OSBPL10: variants seen among roughly 807,000 people sequenced by gnomAD.
OSBPL10 encodes oxysterol binding protein like 10.
In OSBPL10, 49 loss-of-function variants were observed where a neutral mutation model predicts 81.7. The ratio of observed to expected loss-of-function variants is 0.60; its 90% CI spans 0.48 to 0.76. OSBPL10 has a LOEUF of 0.76. OSBPL10 is among the 30% of genes least tolerant of loss of function. OSBPL10 has a pLI of 0.00. For missense variants in OSBPL10, 923 were observed against 987.8 expected, an observed-to-expected ratio of 0.93 and a Z score of 0.88; for synonymous variants, 419 against 383.6, an observed-to-expected ratio of 1.09 and a Z score of -1.08.
rs538277455 is a variant in OSBPL10 at position 31,860,062 on chromosome 3, T to C, written c.537+16371A>G. On this transcript the variant is annotated intron_variant, in intron 3 of 11. Coordinates refer to ENST00000396556, the MANE Select transcript of OSBPL10 (RefSeq NM_017784.5). Reference sequence around the variant, plus strand: ...TGCTCACATATACCTGGTAATCCTCTCCCTCCTGCGCACATTGGAACCAGC... The same window carrying C: ...TGCTCACATATACCTGGTAATCCTCCCCCTCCTGCGCACATTGGAACCAGC... Among the ~76,000 whole-genome samples, 18 of 152,234 alleles carry C rather than the reference T, an allele frequency of 1.2e-4. No homozygotes were observed. The South Asian group carries it at 3.1e-3, about 26-fold the overall frequency.
chr3:31,733,485 C>T, intron 5 of OSBPL10, 74 bp from the exon 6 acceptor site: 1 of 1,584,618 alleles, frequency 6.3e-7, no homozygotes, highest in Non-Finnish European at 8.7e-7. Flanking sequence ...TATTTGTACT[C>T]ACTGTATGAA....
intron 1 of OSBPL10, among the ~76,000 whole-genome samples, chr3:32,074,941 TCCTTAC>T (rs1204676950): frequency 6.6e-6 from 1 of 152,184 alleles, no homozygotes; most frequent in Non-Finnish European, 1.5e-5. Flanking sequence ...ACTCTAGTCT[TCCTTAC>T]CCCCAAAATC....
At position 32,065,920 on chromosome 3, in the gene OSBPL10, A is replaced by G. The variant is rs190809591; in HGVS notation, n.185+11476T>C. Among the ~76,000 whole-genome samples the G allele has an allele frequency of 5.0e-5, 4 of 79,646 alleles. 1 individual carries two copies. The East Asian group carries it at 1.1e-3, about 22-fold the overall frequency. The allele number at this position is 79,646 out of a possible 152,430, so 52.3% of individuals were successfully genotyped here. ...AGACAGAAAGAGAGAGAAAGAAGGAAGAAAGAAAGAAGGAAAGAAGAAAGA... is the reference window on the plus strand; with the variant it reads ...AGACAGAAAGAGAGAGAAAGAAGGAGGAAAGAAAGAAGGAAAGAAGAAAGA... On this transcript the variant is annotated intron_variant and non_coding_transcript_variant, in intron 1 of 3. Coordinates refer to the OSBPL10 transcript ENST00000479173.
intron 2 of OSBPL10, among the ~76,000 whole-genome samples, chr3:32,004,737 A>C (rs573839964): frequency 6.6e-6 from 1 of 152,352 alleles, no homozygotes; most frequent in South Asian, 2.1e-4. Flanking sequence ...ACAGCCTTGC[A>C]GAGCGACAGA....
At chr3:31,959,682 AACTG>A (rs1228321999) in intron 1 of OSBPL10, among the ~76,000 whole-genome samples, 2 of 152,194 alleles carry the variant, frequency 1.3e-5, no homozygotes, top group Non-Finnish European at 2.9e-5. Context: ...GTTTTTCCAA[AACTG>A]ACTGAGAAGC....
intron 1 of OSBPL10, among the ~76,000 whole-genome samples, chr3:31,897,889 TC>T (rs1478110229): frequency 6.6e-6 from 1 of 151,542 alleles, no homozygotes; most frequent in African/African-American, 2.4e-5. Flanking sequence ...GCGCCTGTAG[TC>T]CCAGCTACTA....
intron 4 of OSBPL10, among the ~76,000 whole-genome samples, chr3:31,754,630 G>A (rs745330852): frequency 1.3e-5 from 2 of 152,110 alleles, no homozygotes; most frequent in East Asian, 3.9e-4. Flanking sequence ...CTTACTGCAG[G>A]AGTCTGCAGA....
intron 1 of OSBPL10, among the ~76,000 whole-genome samples, chr3:31,965,812 AAT>A (rs1274683667): frequency 1.6e-5 from 1 of 63,822 alleles, no homozygotes; most frequent in African/African-American, 1.4e-4. Context: ...CTATTTATAT[AAT>A]ATATATTATA....
At chr3:31,913,230 T>G (rs1333549255) in intron 1 of OSBPL10, among the ~76,000 whole-genome samples, 2 of 142,150 alleles carry the variant, frequency 1.4e-5, no homozygotes, top group African/African-American at 2.6e-5. Context: ...AGTACTAGGT[T>G]TTTTTTTTTA....
intron 1 of OSBPL10, among the ~76,000 whole-genome samples, chr3:31,971,121 T>G (rs36156085): frequency 0.082 from 11,827 of 145,028 alleles, 677 homozygotes; most frequent in East Asian, 0.32. Context: ...TTTTTTTTTC[T>G]GTTTTTTTTT....
At chr3:31,773,297 T>C (rs1265303351) in intron 4 of OSBPL10, among the ~76,000 whole-genome samples, 1 of 152,120 alleles carries the variant, frequency 6.6e-6, no homozygotes, top group East Asian at 1.9e-4. Context: ...GACATAAATA[T>C]TTTCTCTGTA....
chr3:31,812,022 A>T (rs1005376305), intron 4 of OSBPL10, among the ~76,000 whole-genome samples: 7 of 152,110 alleles, frequency 4.6e-5, no homozygotes, highest in Non-Finnish European at 1.0e-4. Flanking sequence ...TTTATTTTTT[A>T]AATTTATTTA....
intron 4 of OSBPL10, among the ~76,000 whole-genome samples, chr3:31,792,898 G>A (rs960420128): frequency 8.0e-6 from 1 of 124,936 alleles, no homozygotes; most frequent in Non-Finnish European, 1.9e-5. Flanking sequence ...GTGTGTGTGT[G>A]TGTGTGTGTG....
At chr3:31,710,204 C>T (rs1218017947) in intron 6 of OSBPL10, among the ~76,000 whole-genome samples, 1 of 152,148 alleles carries the variant, frequency 6.6e-6, no homozygotes, top group Non-Finnish European at 1.5e-5. Context: ...GGAGATGGTA[C>T]CACCTCTCAT....
At chr3:31,680,357 C>A (rs1000530082) in intron 8 of OSBPL10, among the ~76,000 whole-genome samples, 2 of 152,176 alleles carry the variant, frequency 1.3e-5, no homozygotes, top group African/African-American at 4.8e-5. Flanking sequence ...ACTCAGGGGG[C>A]TGCCTGAACC....
At chr3:31,753,351 A>G (rs1269400683) in intron 4 of OSBPL10, among the ~76,000 whole-genome samples, 1 of 152,006 alleles carries the variant, frequency 6.6e-6, no homozygotes, top group Admixed American at 6.6e-5. Context: ...ACGCCCGGCT[A>G]ATTTTGTATG....
At chr3:31,889,813 CA>C (rs2125656046) in intron 1 of OSBPL10, among the ~76,000 whole-genome samples, 1 of 152,102 alleles carries the variant, frequency 6.6e-6, no homozygotes, top group South Asian at 2.1e-4. Flanking sequence ...ATGTTCCCAG[CA>C]CAAAGAAATG....
intron 4 of OSBPL10, among the ~76,000 whole-genome samples, chr3:31,788,542 T>C (rs540874997): frequency 6.6e-6 from 1 of 152,270 alleles, no homozygotes; most frequent in East Asian, 1.9e-4. Flanking sequence ...TAATCCAAAA[T>C]GCATACTATA....
At chr3:31,744,950 A>G (rs11712413) in intron 5 of OSBPL10, among the ~76,000 whole-genome samples, 74,941 of 152,116 alleles carry the variant, frequency 0.49, 19,309 homozygotes, top group East Asian at 0.78. Context: ...ATAGGGCAAA[A>G]GAGACCACAG....
Sources: allele counts gnomAD v4.1 joint callset (sites outside exome capture counted in the v4.1 genomes callset), GRCh38; gene constraint gnomAD v4.1.1; transcripts MANE v1.5; gene names NCBI Gene and HGNC (gene_info 2026-07-23, HGNC 2026-07-21).